The following EGFL6 variants were observed in gnomAD, a reference collection of about 807,000 sequenced individuals.
The protein encoded by EGFL6 is EGF like domain multiple 6.
A neutral mutation model predicts 43.1 loss-of-function variants in EGFL6; 42 were observed. That is an observed-to-expected ratio of 0.98 (90% CI 0.76 to 1.26). The LOEUF (loss-of-function observed/expected upper bound fraction) is 1.26, where lower values mean the gene tolerates loss of function less well. EGFL6 is among the 50% of genes most tolerant of loss of function. The pLI is 0.00. For missense variants in EGFL6, 429 were observed against 427.8 expected (o/e 1.00, Z -0.02); for synonymous variants, 164 against 163.2 (o/e 1.01, Z -0.04).
At chrX:13,615,260 A>G (rs1409985863) in intron 7 of EGFL6, among the ~76,000 whole-genome samples, 1 of 112,762 alleles carries the variant, frequency 8.9e-6, no homozygotes, top group African/African-American at 3.2e-5. Flanking sequence ...TATCAAGATT[A>G]TGATGTTTTA....
At chrX:13,632,237 T>G (rs1208370330) in intron 11 of EGFL6, among the ~76,000 whole-genome samples, 7 of 108,420 alleles carry the variant, frequency 6.5e-5, no homozygotes, top group Admixed American at 5.9e-4. Context: ...GAAAAATAAT[T>G]ACACTCATAT....
At chrX:13,597,779 A>G (rs1482067346) in intron 3 of EGFL6, among the ~76,000 whole-genome samples, 5 of 105,900 alleles carry the variant, frequency 4.7e-5, no homozygotes, top group Non-Finnish European at 9.7e-5. Flanking sequence ...GCGAGACTCC[A>G]TCTCAGAAAA....
At chrX:13,602,307 G>A (rs2045638216) in intron 4 of EGFL6, among the ~76,000 whole-genome samples, 1 of 111,614 alleles carries the variant, frequency 9.0e-6, no homozygotes, top group African/African-American at 3.3e-5. Context: ...AACCATATGA[G>A]TTTCTTAGCC....
rs1422799601 is a variant in EGFL6, at chrX:13,627,118, C to T, written c.1393C>T (p.Leu465Phe). Residue 465 changes from leucine (L) to phenylalanine (F), a missense_variant, in exon 11 of 12, where the codon CTC (leucine) becomes TTC (phenylalanine). Leu to Phe is a conservative substitution (Grantham distance 22). Coordinates refer to ENST00000361306, the MANE Select transcript of EGFL6 (RefSeq NM_015507.4). ...DLQPQSNFCL[L>F]FDYRLAGDKV... Reference sequence around the variant, plus strand: ...GCAACCCCAAAGCAACTTCTGTTTGCTCTTTGATTACCGGCTGGCCGGAGA... The same window carrying T: ...GCAACCCCAAAGCAACTTCTGTTTGTTCTTTGATTACCGGCTGGCCGGAGA... The T allele has an allele frequency of 1.6e-6, 2 of 1,212,239 alleles. No individual in the cohort carries two copies. Among genetic ancestry groups the T allele is most frequent in the East Asian group, 5.9e-5 (2 of 33,869 alleles).
At chrX:13,603,822 ATATT>A (rs752722830) in intron 5 of EGFL6, among the ~76,000 whole-genome samples, 313 of 112,025 alleles carry the variant, frequency 2.8e-3, no homozygotes, top group Non-Finnish European at 4.4e-3. Context: ...TGGAAAAACT[ATATT>A]TACTTATTTT....
At position 13,603,292 on chromosome X, in the gene EGFL6, G is replaced by A. The variant is rs1376436695; in HGVS notation, c.401-25G>A. Reference sequence around the variant, plus strand: ...TCTTTTTATCATCTCAAGAGAGAAAGGCTAATCCTTGTCTACTTTTTCAGA... The same window carrying A: ...TCTTTTTATCATCTCAAGAGAGAAAAGCTAATCCTTGTCTACTTTTTCAGA... On this transcript the variant is annotated intron_variant, in intron 4 of 11. Transcript: ENST00000361306. 2 of 1,185,020 alleles carry A rather than the reference G, an allele frequency of 1.7e-6. 1 individual carries two copies. Among genetic ancestry groups the A allele is most frequent in the South Asian group, 3.9e-5 (2 of 51,609 alleles).
At chrX:13,628,524 T>C (rs1027853560) in intron 11 of EGFL6, among the ~76,000 whole-genome samples, 1 of 110,702 alleles carries the variant, frequency 9.0e-6, no homozygotes, top group Non-Finnish European at 1.9e-5. Flanking sequence ...AAGAGTTTGG[T>C]CAAGGTAGGC....
Position 13,615,838 on chromosome X carries a change from A to G in EGFL6, c.779-1892A>G, listed in dbSNP as rs190167234. On this transcript the variant is annotated intron_variant, in intron 7 of 11. Transcript: ENST00000361306. ...TTGTTTATTTTTCTACTACTTTGATATAGATTGAATCAGCCAAATGATGGA... is the reference window on the plus strand; with the variant it reads ...TTGTTTATTTTTCTACTACTTTGATGTAGATTGAATCAGCCAAATGATGGA... Among the ~76,000 whole-genome samples the G allele has an allele frequency of 6.3e-5, 7 of 111,887 alleles. No individual in the cohort carries two copies. In the East Asian group the frequency reaches 1.1e-3, roughly 18 times the overall value.
chrX:13,618,115 T>A, intron 8 of EGFL6, 62 bp downstream of exon 8: 1 of 1,089,294 alleles, frequency 9.2e-7, no homozygotes, highest in Admixed American at 3.0e-5. Flanking sequence ...TCCTGGCAAA[T>A]GAAAGAAGAC....
intron 6 of EGFL6, 123 bp from the exon 7 acceptor site, chrX:13,608,201 C>A: frequency 1.1e-6 from 1 of 905,162 alleles, no homozygotes. Context: ...CCTCTCAGTT[C>A]TCAGGCAATG....
At chrX:13,620,255 A>G (rs998104010) in intron 9 of EGFL6, among the ~76,000 whole-genome samples, 1 of 111,681 alleles carries the variant, frequency 9.0e-6, no homozygotes, top group African/African-American at 3.3e-5. Context: ...GCCCATTTAT[A>G]TATTTATCCC....
At chrX:13,615,653 A>G (rs752521731) in intron 7 of EGFL6, among the ~76,000 whole-genome samples, 2 of 112,569 alleles carry the variant, frequency 1.8e-5, no homozygotes, top group African/African-American at 3.2e-5. Flanking sequence ...TTTTCTACCT[A>G]TAGTCAGGCT....
At chrX:13,603,287 A>C in intron 4 of EGFL6, 30 bp from the exon 5 acceptor site, 1 of 1,170,599 alleles carries the variant, frequency 8.5e-7, no homozygotes. Flanking sequence ...ATCTCAAGAG[A>C]GAAAGGCTAA....
At chrX:13,625,579 G>A (rs964266952) in intron 10 of EGFL6, among the ~76,000 whole-genome samples, 3 of 110,803 alleles carry the variant, frequency 2.7e-5, no homozygotes, top group African/African-American at 9.9e-5. Flanking sequence ...AGCTACTTGG[G>A]AGGCTGAGGC....
chrX:13,605,359 A>G lies in EGFL6; in HGVS notation c.521-1020A>G, dbSNP rs562226124. 3.7e-4 allele frequency among the ~76,000 whole-genome samples: 40 copies of G among 109,197 alleles called. 1 individual carries two copies. In the South Asian group the frequency reaches 0.015, roughly 41 times the overall value. 94.8% of individuals were successfully genotyped at this position (109,197 alleles called of 115,157 possible). On this transcript the variant is annotated intron_variant, in intron 5 of 11. Transcript: ENST00000361306. ...AGGCTGAGGTGGGAGGATAGCTTGG[A>G]CTCAGGAGTTTGAGACCAGCCTGAG...
At chrX:13,605,578 CAAAAA>C (rs61513005) in intron 5 of EGFL6, among the ~76,000 whole-genome samples, 3 of 60,375 alleles carry the variant, frequency 5.0e-5, no homozygotes, top group Admixed American at 2.0e-4. Context: ...GGCCTTGTCT[CAAAAA>C]AAAAAAAAAA....
chrX:13,571,103 C>T (rs1453487850), intron 1 of EGFL6, among the ~76,000 whole-genome samples: 2 of 50,498 alleles, frequency 4.0e-5, no homozygotes, highest in Non-Finnish European at 8.1e-5. Context: ...TTGACCCCAC[C>T]CCACCCCCCA....
chrX:13,592,139 G>A (rs1011464813), intron 2 of EGFL6, among the ~76,000 whole-genome samples: 12 of 109,762 alleles, frequency 1.1e-4, no homozygotes, highest in African/African-American at 4.0e-4. Flanking sequence ...GTTCTATTTG[G>A]CATTTATGCT....
intron 1 of EGFL6, among the ~76,000 whole-genome samples, chrX:13,580,596 C>T (rs777370707): frequency 1.9e-3 from 215 of 111,541 alleles, no homozygotes; most frequent in Non-Finnish European, 2.9e-3. Flanking sequence ...AAGTCCATCT[C>T]CTTCTATCCC....
Sources: gnomAD v4.1 joint callset for allele counts (sites outside exome capture counted in the v4.1 genomes callset) on GRCh38, gnomAD v4.1.1 for gene constraint, MANE v1.5 for transcripts, NCBI Gene and HGNC (gene_info 2026-07-23, HGNC 2026-07-21) for gene names.